DCDC1: variants seen among roughly 807,000 people sequenced by gnomAD.
DCDC1 encodes the protein doublecortin domain containing 1, also known as doublecortin domain-containing protein 1.
Under a neutral mutation model 178.3 loss-of-function variants are expected in DCDC1, and 200 were observed. The ratio of observed to expected loss-of-function variants is 1.12; its 90% CI spans 1.00 to 1.26. The LOEUF (loss-of-function observed/expected upper bound fraction) is 1.26. DCDC1 is among the 50% of genes most tolerant of loss of function. The pLI is 0.00. For synonymous variants in DCDC1, 690 were observed against 604.8 expected (o/e 1.14, Z -2.07); for missense variants, 1,983 against 1,749.2 (o/e 1.13, Z -2.38).
intron 6 of DCDC1, among the ~76,000 whole-genome samples, chr11:31,301,238 A>C (rs1404051860): frequency 6.6e-6 from 1 of 152,200 alleles, no homozygotes; most frequent in Non-Finnish European, 1.5e-5. Context: ...TGGAAGTTAA[A>C]ATGTACAAAC....
At chr11:31,104,703 C>A (rs1386292415) in intron 13 of DCDC1, among the ~76,000 whole-genome samples, 2 of 152,004 alleles carry the variant, frequency 1.3e-5, no homozygotes, top group Non-Finnish European at 2.9e-5. Flanking sequence ...ACACATAACT[C>A]TTCTTCAGTT....
At chr11:30,914,413 C>T (rs1326222671) in intron 27 of DCDC1, among the ~76,000 whole-genome samples, 3 of 152,198 alleles carry the variant, frequency 2.0e-5, no homozygotes, top group Admixed American at 6.5e-5. Context: ...GCCTTTTCAT[C>T]GCAGACCTTT....
chr11:30,978,699 T>C (rs1053719549), intron 20 of DCDC1, among the ~76,000 whole-genome samples: 3 of 151,910 alleles, frequency 2.0e-5, no homozygotes, highest in Non-Finnish European at 2.9e-5. Context: ...TACAGTGCTA[T>C]AGAACGTTAG....
intron 2 of DCDC1, among the ~76,000 whole-genome samples, chr11:31,329,040 T>C (rs1160950216): frequency 6.7e-6 from 1 of 149,820 alleles, no homozygotes; most frequent in Non-Finnish European, 1.5e-5. Flanking sequence ...CTGTCAATTA[T>C]GTGGCCTTGC....
intron 14 of DCDC1, 65 bp downstream of exon 14, chr11:31,103,579 A>G (rs1591054856): frequency 9.1e-6 from 6 of 658,530 alleles, no homozygotes; most frequent in East Asian, 7.7e-5. Flanking sequence ...TACTCTGAAA[A>G]ATCCTGAATT....
intron 7 of DCDC1, among the ~76,000 whole-genome samples, chr11:31,282,980 T>C (rs1397624887): frequency 6.6e-6 from 1 of 152,208 alleles, no homozygotes; most frequent in African/African-American, 2.4e-5. Flanking sequence ...CTGTAATTAA[T>C]GTGTTTCCTC....
chr11:31,046,356 T>C (rs770551054), intron 20 of DCDC1, among the ~76,000 whole-genome samples: 3 of 152,080 alleles, frequency 2.0e-5, no homozygotes, highest in Non-Finnish European at 4.4e-5. Context: ...TGCTTGTAAA[T>C]ATGGAGTGCT....
At chr11:31,364,028 G>A (rs910960253) in intron 1 of DCDC1, among the ~76,000 whole-genome samples, 3 of 152,276 alleles carry the variant, frequency 2.0e-5, no homozygotes, top group African/African-American at 7.2e-5. Context: ...AGCAGCAGCT[G>A]CCAGTGAACC....
chr11:30,949,776 G>A (rs1948297338), intron 21 of DCDC1, among the ~76,000 whole-genome samples: 1 of 144,236 alleles, frequency 6.9e-6, no homozygotes, highest in Non-Finnish European at 1.5e-5. Context: ...AACACCGTAT[G>A]TTCTCACTCA....
At position 31,127,639 on chromosome 11, in the gene DCDC1, C is replaced by A. The variant is rs1229372555; in HGVS notation, c.1315G>T (p.Val439Leu). Reference protein sequence around the residue: ...AKEHHKEQEEVSRLIDELQTA... With the variant: ...AKEHHKEQEELSRLIDELQTA... ...TGCAATTCATCAATCAGCCTGCTCA[C>A]CTGAAGGGGTTAAATTACAAGAGTT... The change falls in exon 11 of 39, where the codon GTG (valine) becomes TTG (leucine). Residue 439 changes from valine (V) to leucine (L), a missense_variant and splice_region_variant. Transcript: ENST00000684477. 2 of 701,774 alleles carry A rather than the reference C, an allele frequency of 2.8e-6. No homozygotes were observed. Among genetic ancestry groups the A allele is most frequent in the African/African-American group, 3.5e-5 (2 of 57,272 alleles). The allele number at this position is 701,774 out of a possible 1,614,324, so 43.5% of individuals were successfully genotyped here. A position where few individuals can be genotyped will look rare whatever the true frequency, so the allele number is the denominator to read the frequency against.
At chr11:31,213,141 CT>C in intron 9 of DCDC1, among the ~76,000 whole-genome samples, 1 of 141,674 alleles carries the variant, frequency 7.1e-6, no homozygotes, top group Admixed American at 7.0e-5. Context: ...CTCTCTCTCT[CT>C]CTCTCTCTCT....
intron 12 of DCDC1, among the ~76,000 whole-genome samples, chr11:31,108,594 A>G (rs1959002510): frequency 6.6e-6 from 1 of 152,216 alleles, no homozygotes; most frequent in Non-Finnish European, 1.5e-5. Flanking sequence ...CAGGAAGGAA[A>G]TGTGTGTACA....
At chr11:31,356,346 T>C (rs890805424) in intron 1 of DCDC1, among the ~76,000 whole-genome samples, 3 of 151,938 alleles carry the variant, frequency 2.0e-5, no homozygotes, top group East Asian at 1.9e-4. Flanking sequence ...ACTGGGTACA[T>C]AACGAAATGA....
At position 31,147,222 on chromosome 11, in the gene DCDC1, T is replaced by C. The variant is rs186223008; in HGVS notation, c.1222-9438A>G. 3.9e-4 allele frequency among the ~76,000 whole-genome samples: 59 copies of C among 152,330 alleles called. No homozygotes were observed. In the East Asian group the frequency reaches 0.011, roughly 29 times the overall value. On this transcript the variant is annotated intron_variant, in intron 9 of 38. Transcript: ENST00000684477. ...ATTTTATTTCTGTGTTGTTTCTTTC[T>C]TATTCCTCACTCCAGCAAAGGTTCA...
chr11:31,192,122 C>A (rs937372765), intron 9 of DCDC1, among the ~76,000 whole-genome samples: 1 of 152,012 alleles, frequency 6.6e-6, no homozygotes, highest in South Asian at 2.1e-4. Context: ...TCTCTCGAAT[C>A]TTTTCCTATC....
At chr11:30,947,536 A>C (rs1204421472) in intron 21 of DCDC1, among the ~76,000 whole-genome samples, 1 of 152,144 alleles carries the variant, frequency 6.6e-6, no homozygotes, top group African/African-American at 2.4e-5. Flanking sequence ...CTAGACCCCT[A>C]TTTCTCAACA....
intron 9 of DCDC1, among the ~76,000 whole-genome samples, chr11:31,200,419 A>G (rs1342141251): frequency 6.6e-6 from 1 of 152,098 alleles, no homozygotes; most frequent in Admixed American, 6.6e-5. Flanking sequence ...TAATTTTAAA[A>G]GAAAAAGTGA....
chr11:31,202,399 C>CAA (rs111924512), intron 9 of DCDC1, among the ~76,000 whole-genome samples: 2 of 131,252 alleles, frequency 1.5e-5, no homozygotes, highest in Middle Eastern at 3.8e-3. Flanking sequence ...CTCATCTCCG[C>CAA]AAAAAAAAAA....
At chr11:30,930,777 T>C (rs1946873843) in intron 22 of DCDC1, among the ~76,000 whole-genome samples, 1 of 152,190 alleles carries the variant, frequency 6.6e-6, no homozygotes, top group South Asian at 2.1e-4. Flanking sequence ...ACTTTGGGTG[T>C]TACTTTTGAA....
Sources: gnomAD v4.1 joint callset for allele counts (sites outside exome capture counted in the v4.1 genomes callset) on GRCh38, gnomAD v4.1.1 for gene constraint, MANE v1.5 for transcripts, NCBI Gene and HGNC (gene_info 2026-07-23, HGNC 2026-07-21) for gene names.